The following UNC5B variants were observed in gnomAD, a reference collection of about 807,000 sequenced individuals.
UNC5B encodes netrin receptor UNC5B.
A neutral mutation model predicts 103.7 loss-of-function variants in UNC5B; 56 were observed. That is an observed-to-expected ratio of 0.54 (90% CI 0.44 to 0.67). UNC5B has a LOEUF of 0.67. Ranked by LOEUF, UNC5B falls within the 30% of genes least tolerant of loss-of-function variation. UNC5B has a pLI of 0.00. For missense variants in UNC5B, 1,194 were observed against 1,284.5 expected (o/e 0.93, Z 1.08); for synonymous variants, 577 against 542.0 (o/e 1.06, Z -0.90).
chr10:71,245,410 G>C (rs7900552), intron 1 of UNC5B, among the ~76,000 whole-genome samples: 1,901 of 152,266 alleles, frequency 0.012, 43 homozygotes, highest in African/African-American at 0.043. Flanking sequence ...GAGTCTGGCA[G>C]GGGGGACCCT....
At chr10:71,268,456 G>A (rs1348206601) in intron 1 of UNC5B, among the ~76,000 whole-genome samples, 1 of 152,058 alleles carries the variant, frequency 6.6e-6, no homozygotes, top group African/African-American at 2.4e-5. Flanking sequence ...GTCCCCAGCT[G>A]GAGATGAAGG....
chr10:71,284,782 C>A lies in UNC5B; in HGVS notation c.367C>A (p.Leu123Met), dbSNP rs1332359422. ...SRQQVEELFGLEDYWCQCVAW... is the reference protein window; with the variant it reads ...SRQQVEELFGMEDYWCQCVAW... ...GCAGCAGGTGGAGGAGCTCTTTGGG[C>A]TGGAGGATTACTGGTGCCAGTGCGT... Residue 123 changes from leucine (L) to methionine (M), a missense_variant, in exon 3 of 17, where the codon CTG (leucine) becomes ATG (methionine). Physicochemically the swap from Leu to Met is conservative, Grantham distance 15. Transcript: ENST00000335350. 6.2e-7 allele frequency: 1 copy of A among 1,613,918 alleles called. No individual in the cohort carries two copies. Among genetic ancestry groups the A allele is most frequent in the East Asian group, 2.2e-5 (1 of 44,854 alleles).
At chr10:71,256,592 G>C (rs1176719588) in intron 1 of UNC5B, among the ~76,000 whole-genome samples, 1 of 152,230 alleles carries the variant, frequency 6.6e-6, no homozygotes, top group African/African-American at 2.4e-5. Context: ...TGGAGCCCAG[G>C]TGGGGACTCG....
At chr10:71,217,158 T>G (rs978063858) in intron 1 of UNC5B, 7 of 152,696 alleles carry the variant, frequency 4.6e-5, no homozygotes, top group African/African-American at 1.7e-4. Context: ...CTCACCAGTT[T>G]CCTAAACAGC....
At chr10:71,258,692 C>G (rs1321019073) in intron 1 of UNC5B, among the ~76,000 whole-genome samples, 1 of 152,244 alleles carries the variant, frequency 6.6e-6, no homozygotes, top group Non-Finnish European at 1.5e-5. Flanking sequence ...TGCTGGAGCT[C>G]TTCAGAGAAA....
At chr10:71,286,657 C>A (rs1365086734) in intron 4 of UNC5B, 32 bp from the exon 5 acceptor site, 6 of 1,611,808 alleles carry the variant, frequency 3.7e-6, no homozygotes. Context: ...CTGTCCTGGG[C>A]CCTCACTGCC....
chr10:71,271,399 T>G (rs1284050740), intron 1 of UNC5B, among the ~76,000 whole-genome samples: 1 of 152,180 alleles, frequency 6.6e-6, no homozygotes, highest in Non-Finnish European at 1.5e-5. Flanking sequence ...TTTGAGCTCC[T>G]TGTCTGGGAG....
chr10:71,285,489 G>T (rs994416590), intron 4 of UNC5B, 60 bp downstream of exon 4: 12 of 1,430,520 alleles, frequency 8.4e-6, no homozygotes, highest in Non-Finnish European at 8.4e-6. Flanking sequence ...CAGAAGCCAG[G>T]CAGGCATGGT....
rs1184665733 is a variant in UNC5B, at chr10:71,288,674, T to C, written c.1008T>C (p.Arg336=). 2 of 1,613,486 alleles carry C rather than the reference T, an allele frequency of 1.2e-6. No individual in the cohort carries two copies. The highest frequency in any genetic ancestry group is 2.7e-5 in the African/African-American group (2 of 74,942). The change falls in exon 7 of 17, where the codon CGT becomes CGC. Residue 336 remains arginine (R), a synonymous_variant. Transcript: ENST00000335350. ...CMAPPPQNGG[R]DCSGTLLDSK... ...CGCCCCCACCCCAGAACGGAGGCCGTGACTGCAGCGGGACGCTGCTCGACT... is the reference window on the plus strand; with the variant it reads ...CGCCCCCACCCCAGAACGGAGGCCGCGACTGCAGCGGGACGCTGCTCGACT...
At chr10:71,265,040 C>G (rs2132284865) in intron 1 of UNC5B, among the ~76,000 whole-genome samples, 1 of 151,554 alleles carries the variant, frequency 6.6e-6, no homozygotes, top group Middle Eastern at 3.5e-3. Context: ...GCTGACAACC[C>G]TGCTCTGTGA....
At chr10:71,272,153 T>C (rs764402088) in intron 1 of UNC5B, among the ~76,000 whole-genome samples, 12 of 152,150 alleles carry the variant, frequency 7.9e-5, no homozygotes, top group Non-Finnish European at 1.3e-4. Context: ...ACGCAGTGAA[T>C]GGGAGAGATT....
chr10:71,278,998 C>T lies in UNC5B; in HGVS notation c.80-823C>T, dbSNP rs904894440. On this transcript the variant is annotated intron_variant, in intron 1 of 16. Transcript: ENST00000335350. ...CCTGTTTGTCTCACCTCCTGAGGTG[C>T]AGTTCTTTCCAGGGAGACGGTGGGC... Among the ~76,000 whole-genome samples, 4 of 152,258 alleles carry T rather than the reference C, an allele frequency of 2.6e-5. No homozygotes were observed. In the South Asian group the frequency reaches 8.3e-4, roughly 31 times the overall value.
chr10:71,297,359 C>T (rs1156704077), intron 15 of UNC5B, among the ~76,000 whole-genome samples: 2 of 152,258 alleles, frequency 1.3e-5, no homozygotes, highest in African/African-American at 4.8e-5. Context: ...ACACAGTACA[C>T]CAGTGGCAAG....
In UNC5B at chr10:71,298,060, G is replaced by A. The variant is rs202226424; in HGVS notation, c.2642G>A (p.Arg881Gln). ...CCCAACTCACGGGGCAATGACTGGC[G>A]GATGTTAGCACAGAAGCTCTCTATG... ...DAPNSRGNDW[R>Q]MLAQKLSMDR... The change falls in exon 16 of 17, where the codon CGG (arginine) becomes CAG (glutamine). Residue 881 changes from arginine to glutamine, a missense_variant. By Grantham distance (43) the Arg-to-Gln change is conservative (BLOSUM62 1). Coordinates refer to ENST00000335350, the MANE Select transcript of UNC5B (RefSeq NM_170744.5). 2.8e-5 allele frequency: 45 copies of A among 1,612,666 alleles called. 1 individual carries two copies. Among genetic ancestry groups the A allele is most frequent in the South Asian group, 2.4e-4 (22 of 90,810 alleles).
chr10:71,268,789 G>T (rs1267873837), intron 1 of UNC5B, among the ~76,000 whole-genome samples: 1 of 152,162 alleles, frequency 6.6e-6, no homozygotes, highest in African/African-American at 2.4e-5. Flanking sequence ...GCCTCGTCCG[G>T]GCAGCCCCTA....
chr10:71,232,057 C>A (rs1444687644), intron 1 of UNC5B, among the ~76,000 whole-genome samples: 2 of 152,206 alleles, frequency 1.3e-5, no homozygotes, highest in African/African-American at 2.4e-5. Context: ...ATGGGGAAAC[C>A]TCCTTGTTGA....
chr10:71,238,554 C>T (rs1460588858), intron 1 of UNC5B, among the ~76,000 whole-genome samples: 1 of 152,150 alleles, frequency 6.6e-6, no homozygotes, highest in Non-Finnish European at 1.5e-5. Context: ...CTCATTGCCA[C>T]CTCCACCTCC....
intron 1 of UNC5B, among the ~76,000 whole-genome samples, chr10:71,224,758 G>A (rs985914838): frequency 6.6e-6 from 1 of 152,184 alleles, no homozygotes. Flanking sequence ...CCACCCAGAA[G>A]GAAATCCACA....
chr10:71,213,772 G>A lies in UNC5B; in HGVS notation c.79+708G>A, dbSNP rs1252950834. On this transcript the variant is annotated intron_variant, in intron 1 of 16. Coordinates refer to ENST00000335350, the MANE Select transcript of UNC5B (RefSeq NM_170744.5). This position sits in a 1 kb window ranked among gnomAD's most constrained non-coding sequence, Gnocchi z 4.1. ...GTGTGTGTGTGTGTGTTGGATGCGG[G>A]TAGGGGTTCTTAGCGATCCTGCGGA... is the stretch of plus-strand genomic sequence containing the variant. Among the ~76,000 whole-genome samples, 2 of 121,112 alleles carry A rather than the reference G, an allele frequency of 1.7e-5. No homozygotes were observed. Among genetic ancestry groups the A allele is most frequent in the African/African-American group, 3.3e-5 (1 of 30,418 alleles). The allele number at this position is 121,112 out of a possible 152,430, so 79.5% of individuals were successfully genotyped here.
Sources: gnomAD v4.1 joint callset for allele counts (sites outside exome capture counted in the v4.1 genomes callset) on GRCh38, gnomAD v4.1.1 for gene constraint, Gnocchi (gnomAD v3.1) non-coding constraint, MANE v1.5 for transcripts, NCBI Gene and HGNC (gene_info 2026-07-23, HGNC 2026-07-21) for gene names.